Variants in CNTNAP2 observed in about 807,000 individuals in gnomAD.
The protein encoded by CNTNAP2 is contactin-associated protein-like 2.
CNTNAP2 carries 98 observed loss-of-function variants against 155.2 expected under a neutral mutation model. The observed-to-expected ratio is 0.63, with a 90% CI of 0.54 to 0.75. The LOEUF (loss-of-function observed/expected upper bound fraction) is 0.75. CNTNAP2 is among the 30% of genes least tolerant of loss of function. The pLI is 0.00. For synonymous variants in CNTNAP2, 651 were observed against 631.2 expected (o/e 1.03, Z -0.47); for missense variants, 1,727 against 1,688.1 (o/e 1.02, Z -0.40).
intron 8 of CNTNAP2, among the ~76,000 whole-genome samples, chr7:147,251,111 T>C (rs1014291360): frequency 6.6e-6 from 1 of 152,116 alleles, no homozygotes; most frequent in Non-Finnish European, 1.5e-5. Context: ...GATAAGGACA[T>C]AATCATTCAC....
chr7:146,989,155 C>T (rs989669774), intron 3 of CNTNAP2, among the ~76,000 whole-genome samples: 1 of 151,848 alleles, frequency 6.6e-6, no homozygotes, highest in African/African-American at 2.4e-5. Context: ...GGAGGTTTAG[C>T]GTGTAGGAGC....
chr7:147,943,299 T>A (rs1305979767), intron 14 of CNTNAP2, among the ~76,000 whole-genome samples: 2 of 152,192 alleles, frequency 1.3e-5, no homozygotes, highest in Admixed American at 1.3e-4. Context: ...CATTTTTGTG[T>A]AAAGTTTTCT....
intron 1 of CNTNAP2, among the ~76,000 whole-genome samples, chr7:146,143,877 T>G (rs949553083): frequency 3.3e-5 from 5 of 152,054 alleles, no homozygotes; most frequent in African/African-American, 1.2e-4. Context: ...ATTTTCCTGC[T>G]TCAGTCTCCC....
At chr7:147,260,085 C>A (rs999459604) in intron 8 of CNTNAP2, among the ~76,000 whole-genome samples, 1 of 152,028 alleles carries the variant, frequency 6.6e-6, no homozygotes, top group East Asian at 1.9e-4. Context: ...TGTTTTTCCG[C>A]GGAAACTATG....
At chr7:146,398,790 T>C (rs1161440598) in intron 1 of CNTNAP2, among the ~76,000 whole-genome samples, 5 of 152,078 alleles carry the variant, frequency 3.3e-5, no homozygotes, top group Non-Finnish European at 5.9e-5. Flanking sequence ...TTATTTGGCC[T>C]GTAAAAGTTT....
At chr7:146,946,072 C>CCTTCCCTT (rs1797164784) in intron 3 of CNTNAP2, among the ~76,000 whole-genome samples, 1 of 149,842 alleles carries the variant, frequency 6.7e-6, no homozygotes, top group African/African-American at 2.5e-5. Flanking sequence ...TTCCTTCCTT[C>CCTTCCCTT]CCTTCCTTCC....
chr7:146,441,947 A>C (rs938864231), intron 1 of CNTNAP2, among the ~76,000 whole-genome samples: 2 of 151,668 alleles, frequency 1.3e-5, no homozygotes, highest in Non-Finnish European at 2.9e-5. Context: ...GCTTGACATC[A>C]TTCTCTTTCA....
chr7:147,129,819 C>T (rs1584862115), intron 7 of CNTNAP2, among the ~76,000 whole-genome samples: 3 of 151,842 alleles, frequency 2.0e-5, no homozygotes, highest in African/African-American at 4.8e-5. Flanking sequence ...TAACTTCATG[C>T]AAATGATTAT....
chr7:147,100,350 T>C (rs1269110412), intron 4 of CNTNAP2, among the ~76,000 whole-genome samples: 2 of 152,168 alleles, frequency 1.3e-5, no homozygotes, highest in Admixed American at 6.5e-5. Context: ...ATGGAGTAAG[T>C]CAAAAATTAA....
intron 1 of CNTNAP2, among the ~76,000 whole-genome samples, chr7:146,392,261 C>T (rs1441493315): frequency 1.3e-5 from 2 of 151,348 alleles, no homozygotes; most frequent in Non-Finnish European, 2.9e-5. Flanking sequence ...TGACTTATGA[C>T]ATTAATAAAT....
intron 1 of CNTNAP2, among the ~76,000 whole-genome samples, chr7:146,678,764 T>C (rs1246820865): frequency 6.6e-6 from 1 of 152,220 alleles, no homozygotes; most frequent in Non-Finnish European, 1.5e-5. Context: ...CCTCCTTTTG[T>C]ATAGACAATT....
chr7:146,304,920 T>A (rs995312999), intron 1 of CNTNAP2, among the ~76,000 whole-genome samples: 1 of 152,140 alleles, frequency 6.6e-6, no homozygotes, highest in Admixed American at 6.5e-5. Flanking sequence ...CAGATGTAGA[T>A]TTGGTCTTTT....
chr7:146,702,616 A>G (rs980810837), intron 1 of CNTNAP2, among the ~76,000 whole-genome samples: 3 of 152,080 alleles, frequency 2.0e-5, no homozygotes, highest in African/African-American at 7.2e-5. Context: ...ATTCATTTTT[A>G]ATTATCTTAA....
chr7:146,243,288 T>G (rs1799592862), intron 1 of CNTNAP2, among the ~76,000 whole-genome samples: 1 of 152,100 alleles, frequency 6.6e-6, no homozygotes, highest in Admixed American at 6.5e-5. Context: ...TTTATTTATA[T>G]TAATTATTTA....
At chr7:147,946,846 G>T (rs1800828637) in intron 14 of CNTNAP2, among the ~76,000 whole-genome samples, 1 of 152,120 alleles carries the variant, frequency 6.6e-6, no homozygotes, top group African/African-American at 2.4e-5. Flanking sequence ...TGACAAGAGG[G>T]GGATTAATAG....
chr7:147,977,982 A>G lies in CNTNAP2; in HGVS notation c.2376A>G (p.Gln792=). ...AKLSVGPLRC[Q]GDRNYWNAAS... Reference sequence around the variant, plus strand: ...TGAGCGTAGGTCCTCTGCGCTGCCAAGGAGACAGTAAGTTTGCATAGCAGC... The same window carrying G: ...TGAGCGTAGGTCCTCTGCGCTGCCAGGGAGACAGTAAGTTTGCATAGCAGC... The change falls in exon 15 of 24, where the codon CAA becomes CAG. Residue 792 remains glutamine, a synonymous_variant. Coordinates refer to ENST00000361727, the MANE Select transcript of CNTNAP2 (RefSeq NM_014141.6). 6.2e-7 allele frequency: 1 copy of G among 1,614,018 alleles called. No individual in the cohort carries two copies. Among genetic ancestry groups the G allele is most frequent in the Non-Finnish European group, 8.5e-7 (1 of 1,179,958 alleles).
Position 146,705,434 on chromosome 7 carries a change from C to CT in CNTNAP2, c.98-68833dup, listed in dbSNP as rs746865658. On this transcript the variant is annotated intron_variant, in intron 1 of 23. Coordinates refer to ENST00000361727, the MANE Select transcript of CNTNAP2 (RefSeq NM_014141.6). ...AGGGCAAGACAGCTCTCTGGGGTAT[C>CT]TTTTAAAAAGGCACTAATGACACTG... Among the ~76,000 whole-genome samples, 59 of 152,114 alleles carry CT rather than the reference C, an allele frequency of 3.9e-4. No individual in the cohort carries two copies. The Middle Eastern group carries it at 0.01, about 26-fold the overall frequency.
At chr7:148,314,101 T>C (rs189572718) in intron 21 of CNTNAP2, among the ~76,000 whole-genome samples, 6 of 151,922 alleles carry the variant, frequency 3.9e-5, no homozygotes, top group Non-Finnish European at 7.4e-5. Flanking sequence ...TGAGGAAGAA[T>C]TGGAACCTAG....
At chr7:147,086,536 G>A (rs1800283421) in intron 4 of CNTNAP2, among the ~76,000 whole-genome samples, 1 of 151,974 alleles carries the variant, frequency 6.6e-6, no homozygotes, top group Non-Finnish European at 1.5e-5. Context: ...TCCTGGCTCA[G>A]TCAGTAATCC....
Sources: gnomAD v4.1 joint callset for allele counts (sites outside exome capture counted in the v4.1 genomes callset) on GRCh38, gnomAD v4.1.1 for gene constraint, MANE v1.5 for transcripts, NCBI Gene and HGNC (gene_info 2026-07-23, HGNC 2026-07-21) for gene names.